Variants in SETDB1 observed in about 807,000 individuals in gnomAD.
The protein encoded by SETDB1 is histone-lysine N-methyltransferase SETDB1.
A neutral mutation model predicts 137.4 loss-of-function variants in SETDB1; 31 were observed. The observed-to-expected ratio is 0.23, with a 90% confidence interval of 0.17 to 0.30. The LOEUF is 0.30. Among genes scored for constraint, SETDB1 ranks in the 10% least tolerant of loss-of-function variants. The probability of loss-of-function intolerance (pLI) is 1.00; values close to 1 mark genes in which losing one functional copy is unlikely to be tolerated. For synonymous variants in SETDB1, 548 were observed against 579.9 expected, an observed-to-expected ratio of 0.95 and a Z score of 0.79; for missense variants, 1,113 against 1,631.5, an observed-to-expected ratio of 0.68 and a Z score of 5.47.
intron 14 of SETDB1, among the ~76,000 whole-genome samples, chr1:150,951,850 G>A (rs1370716149): frequency 2.0e-5 from 3 of 152,122 alleles, no homozygotes; most frequent in Non-Finnish European, 4.4e-5. Flanking sequence ...AAATCAGAAT[G>A]AAAAAAGTTA....
intron 2 of SETDB1, among the ~76,000 whole-genome samples, chr1:150,929,341 C>T (rs1440597650): frequency 1.3e-5 from 2 of 151,876 alleles, no homozygotes. Flanking sequence ...TCTCTGATGG[C>T]CACTGATAAT....
chr1:150,963,243 C>A, intron 19 of SETDB1, 104 bp downstream of exon 19: 1 of 1,082,650 alleles, frequency 9.2e-7, no homozygotes, highest in South Asian at 1.5e-5. Context: ...AATTCAGATC[C>A]TAAGAATTGG....
intron 3 of SETDB1, among the ~76,000 whole-genome samples, chr1:150,934,513 A>G (rs1191478595): frequency 6.6e-6 from 1 of 152,158 alleles, no homozygotes; most frequent in African/African-American, 2.4e-5. Flanking sequence ...GCACCAGCAT[A>G]CTTCTACTTT....
In SETDB1 at chr1:150,930,283, C is replaced by T; in HGVS notation, c.412+165C>T. 5 of 587,340 alleles carry T rather than the reference C, an allele frequency of 8.5e-6. No homozygotes were observed. The South Asian group carries it at 1.0e-4, about 12-fold the overall frequency. 36.4% of individuals were successfully genotyped at this position (587,340 alleles called of 1,614,324 possible). ...GAAAAAAATGCAACATTGTTAGTAT[C>T]ATAGATGTTCCCTATGTGCTACACC... On this transcript the variant is annotated intron_variant, in intron 3 of 21. Transcript: ENST00000692827.
chr1:150,947,126 A>C, intron 10 of SETDB1, 114 bp downstream of exon 10: 6 of 1,247,452 alleles, frequency 4.8e-6, no homozygotes, highest in Non-Finnish European at 6.7e-6. Context: ...CATTGGAAAC[A>C]GGATATGTGC....
chr1:150,953,226 T>TA (rs587736841), intron 14 of SETDB1, among the ~76,000 whole-genome samples: 8 of 151,360 alleles, frequency 5.3e-5, no homozygotes, highest in South Asian at 4.2e-4. Context: ...ACCCTGTGTC[T>TA]AAAAAAAAAT....
intron 4 of SETDB1, 96 bp downstream of exon 4, chr1:150,940,070 T>TA: frequency 1.2e-6 from 1 of 823,534 alleles, no homozygotes; most frequent in Non-Finnish European, 2.0e-6. Context: ...TGTCAGTATC[T>TA]AATCATTCAC....
rs1182724974 is a variant in SETDB1 at position 150,960,898 on chromosome 1, G to A, written c.2839G>A (p.Asp947Asn). The change falls in exon 16 of 22, where the codon GAC becomes AAC. Residue 947 changes from aspartate to asparagine, a missense_variant. Transcript: ENST00000692827. ...CGGACTCTCTGAGACAACTTCCAAG[G>A]ACTCCCACCCCCCAGATCTTGGACC... is the stretch of plus-strand genomic sequence containing the variant. ...ENGLSETTSK[D>N]SHPPDLGPPH... The A allele has an allele frequency of 2.6e-5, 42 of 1,612,464 alleles. No individual in the cohort carries two copies. The highest frequency in any genetic ancestry group is 3.5e-5 in the Non-Finnish European group (41 of 1,179,160).
chr1:150,928,436 CT>C (rs1439007486), intron 2 of SETDB1, among the ~76,000 whole-genome samples: 1 of 152,150 alleles, frequency 6.6e-6, no homozygotes, highest in Non-Finnish European at 1.5e-5. Flanking sequence ...GTCTTAAGTC[CT>C]TTCCCCTTCT....
At chr1:150,958,358 T>C (rs1435843528) in intron 14 of SETDB1, among the ~76,000 whole-genome samples, 2 of 150,964 alleles carry the variant, frequency 1.3e-5, no homozygotes, top group Non-Finnish European at 3.0e-5. Flanking sequence ...TTCAAGGAAT[T>C]CTCCTACCTC....
intron 14 of SETDB1, among the ~76,000 whole-genome samples, chr1:150,956,272 G>C (rs1364099168): frequency 6.6e-6 from 1 of 151,714 alleles, no homozygotes; most frequent in Non-Finnish European, 1.5e-5. Flanking sequence ...TGTAATCCCA[G>C]CTACTCCAGA....
chr1:150,934,654 TG>T (rs1255063613), intron 3 of SETDB1, among the ~76,000 whole-genome samples: 2 of 152,120 alleles, frequency 1.3e-5, no homozygotes, highest in Non-Finnish European at 2.9e-5. Context: ...AAGAAAAATA[TG>T]TATTTACCCA....
Position 150,941,530 on chromosome 1 carries a change from A to G in SETDB1, c.547+102A>G, listed in dbSNP as rs147711687. On this transcript the variant is annotated intron_variant, in intron 5 of 21. Transcript: ENST00000692827. The stretch of plus-strand genomic sequence containing the variant: ...TAATTGTTTGTGACATGCCAGACTC[A>G]GTATCCTTAGTAGTTATGAAATCCC... 63 of 693,210 alleles carry G rather than the reference A, an allele frequency of 9.1e-5. No homozygotes were observed. The Middle Eastern group carries it at 2.6e-3, about 28-fold the overall frequency. The allele number at this position is 693,210 out of a possible 1,614,324, so 42.9% of individuals were successfully genotyped here. A position where few individuals can be genotyped will look rare whatever the true frequency, so the allele number is the denominator to read the frequency against.
intron 3 of SETDB1, among the ~76,000 whole-genome samples, chr1:150,933,755 CTTTTTCTTT>C (rs1558012164): frequency 0.012 from 126 of 10,776 alleles, 3 homozygotes; most frequent in Non-Finnish European, 0.017. Context: ...TTTTCTTTTT[CTTTTTCTTT>C]TTCTTTTTCT....
chr1:150,929,415 C>G (rs1669652384), intron 2 of SETDB1, among the ~76,000 whole-genome samples: 1 of 150,272 alleles, frequency 6.7e-6, no homozygotes, highest in Non-Finnish European at 1.5e-5. Context: ...CTTGCTCTGT[C>G]TCACCCAGGC....
At chr1:150,935,894 G>A (rs999727017) in intron 3 of SETDB1, among the ~76,000 whole-genome samples, 2 of 152,072 alleles carry the variant, frequency 1.3e-5, no homozygotes, top group Middle Eastern at 3.4e-3. Context: ...ATGTTTCTTT[G>A]CATGTCTCTT....
At chr1:150,961,341 C>T (rs587688612) in intron 16 of SETDB1, 150 bp downstream of exon 16, 1 of 820,178 alleles carries the variant, frequency 1.2e-6, no homozygotes, top group South Asian at 1.7e-5. Context: ...CTAGCACATT[C>T]CTAGTGTTTG....
intron 14 of SETDB1, among the ~76,000 whole-genome samples, chr1:150,952,966 C>G (rs1670535119): frequency 6.6e-6 from 1 of 152,148 alleles, no homozygotes; most frequent in Admixed American, 6.5e-5. Flanking sequence ...ACTGGGATTT[C>G]TGGAGAGAGT....
chr1:150,932,855 G>A (rs1054934695), intron 3 of SETDB1, among the ~76,000 whole-genome samples: 1 of 151,968 alleles, frequency 6.6e-6, no homozygotes, highest in Non-Finnish European at 1.5e-5. Context: ...TTTCCATACA[G>A]TGTCACTCTC....
Sources: allele counts gnomAD v4.1 joint callset (sites outside exome capture counted in the v4.1 genomes callset), GRCh38; gene constraint gnomAD v4.1.1; transcripts MANE v1.5; gene names NCBI Gene and HGNC (gene_info 2026-07-23, HGNC 2026-07-21).